Variants in PKD2L2 observed in about 807,000 individuals in gnomAD.
The protein encoded by PKD2L2 is polycystin-2-like protein 2.
In PKD2L2, 67 loss-of-function variants were observed where a neutral mutation model predicts 83.9. The ratio of observed to expected loss-of-function variants is 0.80; its 90% CI spans 0.66 to 0.98. The LOEUF is 0.98. Ranked by LOEUF, PKD2L2 falls within the 50% of genes least tolerant of loss-of-function variation. The pLI is 0.00. For missense variants in PKD2L2, 632 were observed against 717.2 expected, an observed-to-expected ratio of 0.88 and a Z score of 1.36; for synonymous variants, 223 against 237.8, an observed-to-expected ratio of 0.94 and a Z score of 0.57.
chr5:137,940,102 C>G (rs371782450), intron 14 of PKD2L2: 1 of 1,614,108 alleles, frequency 6.2e-7, no homozygotes, highest in Non-Finnish European at 8.5e-7. Flanking sequence ...GCACCACAAC[C>G]AAGTACAAAA....
chr5:137,935,836 A>C lies in PKD2L2; in HGVS notation c.1711A>C (p.Arg571=), dbSNP rs1000940129. ...NAEQMKKWKE[R]LEKKYYSMEI... is the part of the protein sequence containing the mutation. ...AGAGCAGATGAAAAAATGGAAAGAG[A>C]GGCTTGAGAAAAAGTATTATTCTAT... is the stretch of plus-strand genomic sequence containing the variant. The change falls in exon 13 of 15, where the codon AGG becomes CGG. Residue 571 remains arginine, a synonymous_variant. Transcript: ENST00000508883. 2 of 1,611,322 alleles carry C rather than the reference A, an allele frequency of 1.2e-6. No homozygotes were observed.
At chr5:137,924,827 C>G (rs1298951196) in intron 10 of PKD2L2, among the ~76,000 whole-genome samples, 1 of 152,090 alleles carries the variant, frequency 6.6e-6, no homozygotes, top group Non-Finnish European at 1.5e-5. Context: ...AGTAATGCCC[C>G]CAACAGAAGA....
At chr5:137,913,501 T>C (rs1054132567) in intron 8 of PKD2L2, among the ~76,000 whole-genome samples, 14 of 151,188 alleles carry the variant, frequency 9.3e-5, no homozygotes, top group Non-Finnish European at 1.6e-4. Context: ...ATTTTTTTTT[T>C]TTTTTGGGAT....
intron 2 of PKD2L2, 64 bp from the exon 3 acceptor site, chr5:137,892,416 T>C (rs1439817555): frequency 1.1e-6 from 1 of 901,966 alleles, no homozygotes; most frequent in African/African-American, 1.7e-5. Context: ...AAATGTAACA[T>C]TTTTAATCCT....
At chr5:137,926,605 A>G (rs1022095627) in intron 12 of PKD2L2, among the ~76,000 whole-genome samples, 3 of 152,206 alleles carry the variant, frequency 2.0e-5, no homozygotes, top group Non-Finnish European at 4.4e-5. Flanking sequence ...CCAATCCACT[A>G]TGAGGGCTAG....
At position 137,894,599 on chromosome 5, in the gene PKD2L2, A is replaced by G. The variant is rs548675118; in HGVS notation, c.514A>G (p.Ile172Val). 4 of 1,609,278 alleles carry G rather than the reference A, an allele frequency of 2.5e-6. No individual in the cohort carries two copies. The South Asian group carries it at 4.4e-5, about 18-fold the overall frequency. The part of the protein sequence containing the change: ...NEDLSNFGLQ[I>V]NTEWRYSTSN... ...AGACCTCTCTAATTTTGGCCTTCAAATTAATACTGAGTAAGTAGCATAAAA... is the reference window on the plus strand; with the variant it reads ...AGACCTCTCTAATTTTGGCCTTCAAGTTAATACTGAGTAAGTAGCATAAAA... The change falls in exon 4 of 15, where the codon ATT becomes GTT. Residue 172 changes from isoleucine to valine, a missense_variant. Around this residue, in one of 3 missense-constraint regions of PKD2L2, gnomAD observed 229 missense variants for 281.5 expected, o/e 0.81. Transcript: ENST00000508883.
intron 3 of PKD2L2, among the ~76,000 whole-genome samples, chr5:137,893,234 T>C (rs1463512784): frequency 1.3e-5 from 2 of 152,208 alleles, no homozygotes; most frequent in African/African-American, 2.4e-5. Flanking sequence ...TATGTGGTTT[T>C]GGCATAAAAC....
intron 8 of PKD2L2, among the ~76,000 whole-genome samples, chr5:137,917,205 C>T (rs1305373827): frequency 2.1e-5 from 3 of 142,076 alleles, no homozygotes; most frequent in Non-Finnish European, 3.0e-5. Context: ...CTCTGTCTCA[C>T]CCAGGCTGGA....
intron 14 of PKD2L2, chr5:137,938,479 T>C (rs1760768762): frequency 6.6e-6 from 1 of 152,660 alleles, no homozygotes; most frequent in Admixed American, 6.5e-5. Context: ...GTACACTGCA[T>C]GATGGATTCA....
rs935752669 is a variant in PKD2L2, at chr5:137,906,111, A to G, written c.747-95A>G. 39 of 714,486 alleles carry G rather than the reference A, an allele frequency of 5.5e-5. No individual in the cohort carries two copies. In the Admixed American group the frequency reaches 9.9e-4, roughly 18 times the overall value. The allele number at this position is 714,486 out of a possible 1,614,324, so 44.3% of individuals were successfully genotyped here. A position where few individuals can be genotyped will look rare whatever the true frequency, so the allele number is the denominator to read the frequency against. On this transcript the variant is annotated intron_variant, in intron 5 of 14. Coordinates refer to ENST00000508883, the MANE Select transcript of PKD2L2 (RefSeq NM_001300921.2). ...TTATTAAAAAAAACTGATTATCATT[A>G]AAGCATACATAATCATTGATTGAAA...
In PKD2L2 at chr5:137,906,275, C is replaced by T. The variant is rs750352366; in HGVS notation, c.816C>T (p.Leu272=). ...TSWQFYSVKL[L]RYVSYYDYFI... ...GGCAGTTTTACTCTGTGAAGCTCCT[C>T]AGATATGTTAGCTACTATGACTATT... Residue 272 remains leucine (L), a synonymous_variant, in exon 6 of 15, where the codon CTC becomes CTT. Coordinates refer to ENST00000508883, the MANE Select transcript of PKD2L2 (RefSeq NM_001300921.2). 62 of 1,612,416 alleles carry T rather than the reference C, an allele frequency of 3.8e-5. 1 individual carries two copies. In the South Asian group the frequency reaches 6.8e-4, roughly 18 times the overall value.
At chr5:137,895,230 A>G (rs1214749947) in intron 4 of PKD2L2, among the ~76,000 whole-genome samples, 1 of 151,856 alleles carries the variant, frequency 6.6e-6, no homozygotes, top group African/African-American at 2.4e-5. Flanking sequence ...CACTTTGGGA[A>G]GCCAAGGAAG....
intron 5 of PKD2L2, among the ~76,000 whole-genome samples, chr5:137,903,218 C>G (rs1757104429): frequency 6.6e-6 from 1 of 152,180 alleles, no homozygotes; most frequent in Non-Finnish European, 1.5e-5. Context: ...GCATGTCTTT[C>G]TCATGGCAGT....
At chr5:137,941,865 C>T (rs971811333) in intron 14 of PKD2L2, 29 of 1,183,290 alleles carry the variant, frequency 2.5e-5, no homozygotes, top group African/African-American at 7.6e-5. Context: ...TCTAATCCCA[C>T]GTATTCCATT....
In PKD2L2 at chr5:137,894,335, T is replaced by C. The variant is rs1561673805; in HGVS notation, c.268-18T>C. On this transcript the variant is annotated intron_variant, in intron 3 of 14. Coordinates refer to ENST00000508883, the MANE Select transcript of PKD2L2 (RefSeq NM_001300921.2). ...CATGAAAATATTTTTCCCATGACAT[T>C]TGTTTTTCTCTGTGGAGTTTATGGA... 1.3e-6 allele frequency: 2 copies of C among 1,569,272 alleles called. No homozygotes were observed. The highest frequency in any genetic ancestry group is 1.2e-5 in the South Asian group (1 of 86,144).
In PKD2L2 at chr5:137,907,737, T is replaced by C; in HGVS notation, c.976-5T>C. On this transcript the variant is annotated splice_polypyrimidine_tract_variant and splice_region_variant and intron_variant, in intron 6 of 14. Transcript: ENST00000508883. ...TAATTTAACCCTTCTTATTTTCCCA[T>C]TTAGTTGTGTTTTGTGGCTGTTTCC... The C allele has an allele frequency of 1.4e-6, 2 of 1,475,676 alleles. No homozygotes were observed. The highest frequency in any genetic ancestry group is 1.8e-6 in the Non-Finnish European group (2 of 1,100,132). The allele number at this position is 1,475,676 out of a possible 1,614,324, so 91.4% of individuals were successfully genotyped here.
At chr5:137,913,154 C>T (rs1234023677) in intron 8 of PKD2L2, among the ~76,000 whole-genome samples, 6 of 148,038 alleles carry the variant, frequency 4.1e-5, no homozygotes, top group African/African-American at 9.9e-5. Context: ...GGATTAAAGG[C>T]GTGAGCCACC....
At chr5:137,931,179 AAT>A (rs1482354291) in intron 12 of PKD2L2, among the ~76,000 whole-genome samples, 5 of 152,180 alleles carry the variant, frequency 3.3e-5, no homozygotes, top group Non-Finnish European at 7.4e-5. Context: ...AGCCTAAACA[AAT>A]CCATTCTGTA....
intron 8 of PKD2L2, among the ~76,000 whole-genome samples, chr5:137,918,078 T>C (rs543358652): frequency 6.6e-6 from 1 of 152,304 alleles, no homozygotes; most frequent in South Asian, 2.1e-4. Flanking sequence ...TAATAAAAAT[T>C]CAAACCAGAC....
Sources: gnomAD v4.1 joint callset for allele counts (sites outside exome capture counted in the v4.1 genomes callset) on GRCh38, gnomAD v4.1.1 for gene constraint, gnomAD v4.1.1 regional missense constraint, MANE v1.5 for transcripts, NCBI Gene and HGNC (gene_info 2026-07-23, HGNC 2026-07-21) for gene names.